JAG1: variants seen among roughly 807,000 people sequenced by gnomAD.
JAG1 encodes protein jagged-1.
Under a neutral mutation model 148.7 loss-of-function variants are expected in JAG1, and 23 were observed. The ratio of observed to expected loss-of-function variants is 0.15; its 90% CI spans 0.11 to 0.22. The LOEUF (loss-of-function observed/expected upper bound fraction) is 0.22, where lower values mean the gene tolerates loss of function less well. Among genes scored for constraint, JAG1 ranks in the 10% least tolerant of loss-of-function variants. The pLI is 1.00. For missense variants in JAG1, 1,054 were observed against 1,611.2 expected (o/e 0.65, Z 5.92); for synonymous variants, 572 against 598.3 (o/e 0.96, Z 0.64).
intron 8 of JAG1, 146 bp from the exon 9 acceptor site, chr20:10,650,506 G>A (rs1287705825): frequency 1.2e-5 from 8 of 667,836 alleles, no homozygotes; most frequent in East Asian, 1.1e-4. Flanking sequence ...CAAGTGGGAC[G>A]GTGACGATAA....
At chr20:10,651,905 A>G (rs1264662727) in intron 7 of JAG1, among the ~76,000 whole-genome samples, 1 of 152,238 alleles carries the variant, frequency 6.6e-6, no homozygotes, top group Non-Finnish European at 1.5e-5. Context: ...AAGACATCTC[A>G]GAGCTGGGGT....
rs1326350811 is a variant in JAG1 at position 10,647,114 on chromosome 20, G to A, written c.1721-11C>T. 2.5e-6 allele frequency: 4 copies of A among 1,614,200 alleles called. No homozygotes were observed. The highest frequency in any genetic ancestry group is 1.7e-6 in the Non-Finnish European group (2 of 1,180,008). ...TGCAGCTGTCAATCACTAGAAGATAGGCTTGGGATCAGATCACAGCCATGC... is the reference window on the plus strand; with the variant it reads ...TGCAGCTGTCAATCACTAGAAGATAAGCTTGGGATCAGATCACAGCCATGC... On this transcript the variant is annotated splice_polypyrimidine_tract_variant and intron_variant, in intron 13 of 25. Coordinates refer to ENST00000254958, the MANE Select transcript of JAG1 (RefSeq NM_000214.3).
intron 8 of JAG1, chr20:10,650,886 T>C (rs1280838818): frequency 1.2e-5 from 2 of 167,204 alleles, no homozygotes; most frequent in African/African-American, 4.8e-5. Flanking sequence ...GAGATGGGAA[T>C]TGCTACTGTG....
intron 20 of JAG1, 145 bp downstream of exon 20, chr20:10,643,633 T>A: frequency 2.7e-6 from 2 of 733,248 alleles, no homozygotes; most frequent in Non-Finnish European, 2.4e-6. Flanking sequence ...CATATCTTAA[T>A]CCCAGCTGGA....
rs748962378 is a variant in JAG1, at chr20:10,644,342, G to T, written c.2372+15C>A. On this transcript the variant is annotated intron_variant, in intron 19 of 25. Transcript: ENST00000254958. Reference sequence around the variant, plus strand: ...ATAGTGGATGAGTGCTGGCTTAAAAGGATGTCACACTTACCAGGGATGAGG... The same window carrying T: ...ATAGTGGATGAGTGCTGGCTTAAAATGATGTCACACTTACCAGGGATGAGG... The T allele has an allele frequency of 4.4e-5, 71 of 1,601,400 alleles. No homozygotes were observed. Among genetic ancestry groups the T allele is most frequent in the Non-Finnish European group, 5.6e-5 (65 of 1,169,684 alleles).
intron 13 of JAG1, 124 bp downstream of exon 13, chr20:10,647,836 A>G (rs1177512986): frequency 1.9e-6 from 2 of 1,065,144 alleles, no homozygotes; most frequent in African/African-American, 3.1e-5. Flanking sequence ...AGGCAGGATC[A>G]TTTCACTATA....
Position 10,652,012 on chromosome 20 carries a change from G to A in JAG1, c.1006+119C>T, listed in dbSNP as rs183791902. The A allele has an allele frequency of 2.3e-4, 269 of 1,162,074 alleles. No homozygotes were observed. The African/African-American group carries it at 3.8e-3, about 16-fold the overall frequency. 72.0% of individuals were successfully genotyped at this position (1,162,074 alleles called of 1,614,324 possible). On this transcript the variant is annotated intron_variant, in intron 7 of 25. Transcript: ENST00000254958. ...AGGCTTATAGAATGGTTGGGATAAG[G>A]CCTATCTTTGGAAGCTATTTTCACT... is the stretch of plus-strand genomic sequence containing the variant.
chr20:10,661,523 T>A (rs757244029), intron 3 of JAG1, among the ~76,000 whole-genome samples: 5 of 152,022 alleles, frequency 3.3e-5, no homozygotes, highest in Non-Finnish European at 2.9e-5. Flanking sequence ...ACTGCTAGGG[T>A]ATGGCCAGGC....
intron 2 of JAG1, among the ~76,000 whole-genome samples, chr20:10,665,942 A>C (rs1335750455): frequency 6.6e-6 from 1 of 152,198 alleles, no homozygotes; most frequent in African/African-American, 2.4e-5. Context: ...GGAAAACCTC[A>C]GAAGTTGCTG....
At chr20:10,663,203 G>A (rs980543631) in intron 3 of JAG1, among the ~76,000 whole-genome samples, 6 of 152,314 alleles carry the variant, frequency 3.9e-5, no homozygotes, top group African/African-American at 1.2e-4. Context: ...ATTTCAGTGA[G>A]CATCAAGTTT....
intron 2 of JAG1, among the ~76,000 whole-genome samples, chr20:10,671,305 C>T (rs2122642518): frequency 6.6e-6 from 1 of 152,344 alleles, no homozygotes; most frequent in African/African-American, 2.4e-5. Flanking sequence ...TGAAATCCCA[C>T]AACAGAAACA....
intron 20 of JAG1, among the ~76,000 whole-genome samples, chr20:10,643,136 T>C (rs2040745813): frequency 6.6e-6 from 1 of 152,264 alleles, no homozygotes; most frequent in Admixed American, 6.5e-5. Flanking sequence ...CATCTAGTGC[T>C]GAAGACTAGT....
chr20:10,640,002 A>G (rs2067259216), intron 25 of JAG1, 47 bp from the exon 26 acceptor site: 2 of 1,454,212 alleles, frequency 1.4e-6, no homozygotes, highest in African/African-American at 2.8e-5. Flanking sequence ...AAAGAAAGAA[A>G]AAAGCATCAT....
Position 10,645,004 on chromosome 20 carries a change from C to T in JAG1, c.2228-25G>A, listed in dbSNP as rs745814498. The T allele has an allele frequency of 1.9e-6, 3 of 1,584,280 alleles. No individual in the cohort carries two copies. The highest frequency in any genetic ancestry group is 2.6e-6 in the Non-Finnish European group (3 of 1,152,966). On this transcript the variant is annotated intron_variant, in intron 17 of 25. Coordinates refer to ENST00000254958, the MANE Select transcript of JAG1 (RefSeq NM_000214.3). This position sits in a 1 kb window ranked among gnomAD's most constrained non-coding sequence, Gnocchi z 6.1. ...GCTATAAAAGAAGAGCAGACACGACCACCCTCCCTGAGTATCCAGAAACAG... is the reference window on the plus strand; with the variant it reads ...GCTATAAAAGAAGAGCAGACACGACTACCCTCCCTGAGTATCCAGAAACAG...
intron 3 of JAG1, among the ~76,000 whole-genome samples, chr20:10,663,503 C>T (rs138053140): frequency 2.0e-4 from 31 of 152,272 alleles, no homozygotes; most frequent in Admixed American, 9.8e-4. Flanking sequence ...GTGGGAAACC[C>T]GGAGAGACTA....
At chr20:10,646,735 G>A (rs1158252997) in intron 14 of JAG1, among the ~76,000 whole-genome samples, 2 of 151,986 alleles carry the variant, frequency 1.3e-5, no homozygotes, top group African/African-American at 4.8e-5. Context: ...GCAGGCAGGA[G>A]AATCGCTTGA....
intron 4 of JAG1, among the ~76,000 whole-genome samples, chr20:10,657,112 TC>T (rs1302571750): frequency 6.6e-6 from 1 of 152,146 alleles, no homozygotes; most frequent in East Asian, 1.9e-4. Flanking sequence ...ATGCCTATAA[TC>T]CCAACACTTT....
chr20:10,643,974 C>T (rs942958074), intron 19 of JAG1, 111 bp from the exon 20 acceptor site: 9 of 826,810 alleles, frequency 1.1e-5, no homozygotes, highest in African/African-American at 5.1e-5. Context: ...ACCCCATGGC[C>T]GTTGCCTGGG....
intron 7 of JAG1, among the ~76,000 whole-genome samples, 169 bp downstream of exon 7, chr20:10,651,962 A>C (rs1189934997): frequency 1.3e-5 from 2 of 152,172 alleles, no homozygotes; most frequent in South Asian, 4.1e-4. Context: ...TCACCCAAAA[A>C]ACTTTAGAGA....
Sources: allele counts gnomAD v4.1 joint callset (sites outside exome capture counted in the v4.1 genomes callset), GRCh38; gene constraint gnomAD v4.1.1; non-coding constraint Gnocchi (gnomAD v3.1); transcripts MANE v1.5; gene names NCBI Gene and HGNC (gene_info 2026-07-23, HGNC 2026-07-21).